The following TRAPPC8 variants were observed in gnomAD, a reference collection of about 807,000 sequenced individuals.
TRAPPC8 encodes general sporulation gene 1 homolog.
TRAPPC8 carries 54 observed loss-of-function variants against 174.3 expected under a neutral mutation model. That is an observed-to-expected ratio of 0.31 (90% confidence interval 0.25 to 0.39). The LOEUF (loss-of-function observed/expected upper bound fraction) is 0.39, where lower values mean the gene tolerates loss of function less well. Among genes scored for constraint, TRAPPC8 ranks in the 10% least tolerant of loss-of-function variants. TRAPPC8 has a pLI of 1.00. For missense variants in TRAPPC8, 1,531 were observed against 1,699.1 expected, an observed-to-expected ratio of 0.90 and a Z score of 1.74; for synonymous variants, 630 against 579.9, an observed-to-expected ratio of 1.09 and a Z score of -1.24.
At chr18:31,909,103 A>C in intron 6 of TRAPPC8, 93 bp from the exon 7 acceptor site, 1 of 1,228,482 alleles carries the variant, frequency 8.1e-7, no homozygotes, top group Non-Finnish European at 1.1e-6. Context: ...AAAAAGCAGA[A>C]TGTTAAAATC....
chr18:31,908,631 G>A, intron 7 of TRAPPC8, 123 bp downstream of exon 7: 2 of 1,074,044 alleles, frequency 1.9e-6, no homozygotes, highest in Non-Finnish European at 2.5e-6. Flanking sequence ...GTAATTTTGG[G>A]AAGTCTTAAT....
intron 25 of TRAPPC8, among the ~76,000 whole-genome samples, chr18:31,848,530 C>T (rs1054337417): frequency 6.6e-6 from 1 of 152,120 alleles, no homozygotes; most frequent in Non-Finnish European, 1.5e-5. Context: ...CATAAAATGC[C>T]TTCTATAATC....
chr18:31,889,878 C>T (rs1183221559), intron 12 of TRAPPC8, among the ~76,000 whole-genome samples: 1 of 152,014 alleles, frequency 6.6e-6, no homozygotes, highest in South Asian at 2.1e-4. Flanking sequence ...CTTCTTTGTA[C>T]CTTTGAAATA....
intron 12 of TRAPPC8, among the ~76,000 whole-genome samples, chr18:31,875,628 G>A: frequency 6.6e-6 from 1 of 152,088 alleles, no homozygotes; most frequent in East Asian, 1.9e-4. Flanking sequence ...CATACTTCCT[G>A]GTATTCAGTG....
intron 19 of TRAPPC8, among the ~76,000 whole-genome samples, chr18:31,860,037 A>C (rs937917855): frequency 1.3e-5 from 2 of 151,990 alleles, no homozygotes; most frequent in East Asian, 3.9e-4. Flanking sequence ...AAGAACAAGT[A>C]TATTTAGCCT....
At position 31,905,346 on chromosome 18, in the gene TRAPPC8, A is replaced by C. The variant is rs576027541; in HGVS notation, c.1389+2114T>G. ...AGCCCTGAGCTCAGCTGCTGCACAG[A>C]AAGGCGCTCTTTCAGCTGCTAAAAA... is the stretch of plus-strand genomic sequence containing the variant. On this transcript the variant is annotated intron_variant, in intron 9 of 28. Coordinates refer to ENST00000283351, the MANE Select transcript of TRAPPC8 (RefSeq NM_014939.5). Among the ~76,000 whole-genome samples, 13 of 152,286 alleles carry C rather than the reference A, an allele frequency of 8.5e-5. 1 individual carries two copies. Among genetic ancestry groups the C allele is most frequent in the South Asian group, 6.2e-4 (3 of 4,824 alleles).
At chr18:31,880,090 A>AAT (rs1246506445) in intron 12 of TRAPPC8, among the ~76,000 whole-genome samples, 1,705 of 85,190 alleles carry the variant, frequency 0.02, 31 homozygotes, top group Non-Finnish European at 0.026. Flanking sequence ...TGAAAAAAAA[A>AAT]ATATATATAT....
chr18:31,837,575 T>C (rs1446843214), intron 27 of TRAPPC8, among the ~76,000 whole-genome samples: 2 of 152,026 alleles, frequency 1.3e-5, no homozygotes, highest in Non-Finnish European at 2.9e-5. Context: ...AGTGCATGCC[T>C]GTAATCCCAG....
intron 27 of TRAPPC8, among the ~76,000 whole-genome samples, chr18:31,835,277 G>A (rs971379759): frequency 1.3e-5 from 2 of 152,206 alleles, no homozygotes; most frequent in Non-Finnish European, 2.9e-5. Flanking sequence ...GTCAAGCAGA[G>A]GCATACACCT....
intron 20 of TRAPPC8, among the ~76,000 whole-genome samples, chr18:31,856,264 C>G (rs1274742774): frequency 7.2e-5 from 11 of 152,032 alleles, no homozygotes; most frequent in Admixed American, 7.2e-4. Context: ...TACCACCACA[C>G]CCTATAATTT....
intron 12 of TRAPPC8, among the ~76,000 whole-genome samples, chr18:31,879,583 C>T (rs534660529): frequency 6.6e-6 from 1 of 152,012 alleles, no homozygotes; most frequent in Non-Finnish European, 1.5e-5. Context: ...AAACCAAGCC[C>T]AAGCTGGCAA....
At chr18:31,856,980 CAAAAG>C (rs982440772) in intron 20 of TRAPPC8, among the ~76,000 whole-genome samples, 3 of 151,842 alleles carry the variant, frequency 2.0e-5, no homozygotes, top group African/African-American at 7.3e-5. Context: ...ATGGAGGTAT[CAAAAG>C]AAAATATTCT....
intron 17 of TRAPPC8, 64 bp downstream of exon 17, chr18:31,867,338 T>C: frequency 8.9e-7 from 1 of 1,127,752 alleles, no homozygotes; most frequent in Non-Finnish European, 1.3e-6. Flanking sequence ...TAAAGATTAT[T>C]TAAAAATTTG....
At chr18:31,896,876 G>C (rs944327984) in intron 11 of TRAPPC8, among the ~76,000 whole-genome samples, 2 of 152,080 alleles carry the variant, frequency 1.3e-5, no homozygotes, top group Non-Finnish European at 2.9e-5. Flanking sequence ...TGCCCGCCTC[G>C]GCCTCCCAGA....
intron 2 of TRAPPC8, among the ~76,000 whole-genome samples, chr18:31,928,059 G>A (rs1261161763): frequency 6.8e-6 from 1 of 146,382 alleles, no homozygotes; most frequent in Non-Finnish European, 1.5e-5. Flanking sequence ...AGGAGGCTGG[G>A]GCAGAAGAAT....
chr18:31,877,325 G>A (rs2035205590), intron 12 of TRAPPC8, among the ~76,000 whole-genome samples: 1 of 152,068 alleles, frequency 6.6e-6, no homozygotes, highest in African/African-American at 2.4e-5. Flanking sequence ...AGCTAAAAGT[G>A]AGCCTGGCCG....
At chr18:31,854,003 C>G in intron 21 of TRAPPC8, 58 bp from the exon 22 acceptor site, 1 of 1,336,658 alleles carries the variant, frequency 7.5e-7, no homozygotes, top group Non-Finnish European at 1.0e-6. Flanking sequence ...TCAGAATGTT[C>G]CGATGAGAAT....
rs138995608 is a variant in TRAPPC8, at chr18:31,858,727, T to A, written c.2746-745A>T. Among the ~76,000 whole-genome samples the A allele has an allele frequency of 5.3e-3, 814 of 152,354 alleles. 4 individuals are homozygous for A. The highest frequency in any genetic ancestry group is 6.4e-3 in the Non-Finnish European group (434 of 68,040). ...ATATTTCAGATGAGGGATTGTGGAC[T>A]TGTGCTTAAAGAGACAGAAATTTGG... is the stretch of plus-strand genomic sequence containing the variant. On this transcript the variant is annotated intron_variant, in intron 19 of 28. Transcript: ENST00000283351.
chr18:31,871,631 A>G (rs2034868490), intron 14 of TRAPPC8, among the ~76,000 whole-genome samples: 1 of 152,164 alleles, frequency 6.6e-6, no homozygotes, highest in Non-Finnish European at 1.5e-5. Flanking sequence ...ACATAAGTAT[A>G]TCTAAAAAAT....
Sources: allele counts gnomAD v4.1 joint callset (sites outside exome capture counted in the v4.1 genomes callset), GRCh38; gene constraint gnomAD v4.1.1; transcripts MANE v1.5; gene names NCBI Gene and HGNC (gene_info 2026-07-23, HGNC 2026-07-21).